Variants in ZFAND3 observed in about 807,000 individuals in gnomAD.
The protein encoded by ZFAND3 is AN1-type zinc finger protein 3.
Under a neutral mutation model 29.6 loss-of-function variants are expected in ZFAND3, and 10 were observed. The observed-to-expected ratio is 0.34, with a 90% CI of 0.21 to 0.57. The LOEUF is 0.57. ZFAND3 is among the 20% of genes least tolerant of loss of function. The pLI is 0.86. For synonymous variants in ZFAND3, 128 were observed against 112.6 expected (o/e 1.14, Z -0.87); for missense variants, 230 against 304.5 (o/e 0.76, Z 1.82).
At chr6:37,988,654 C>T (rs2127434893) in intron 2 of ZFAND3, among the ~76,000 whole-genome samples, 1 of 152,314 alleles carries the variant, frequency 6.6e-6, no homozygotes, top group Non-Finnish European at 1.5e-5. Flanking sequence ...TGAGTTAAAA[C>T]AAATATCTTA....
At chr6:38,120,320 C>CTTTTTTTTTTTTTTTTGTTTTTTT (rs1765506883) in intron 5 of ZFAND3, among the ~76,000 whole-genome samples, 1 of 60,694 alleles carries the variant, frequency 1.6e-5, no homozygotes, top group Non-Finnish European at 3.1e-5. Flanking sequence ...GCTTGGCTTC[C>CTTTTTTTTTTTTTTTTGTTTTTTT]TTTTTTTTTT....
intron 5 of ZFAND3, among the ~76,000 whole-genome samples, chr6:38,148,358 C>T (rs1336547590): frequency 6.6e-6 from 1 of 152,110 alleles, no homozygotes; most frequent in Non-Finnish European, 1.5e-5. Flanking sequence ...GGTAATAATA[C>T]CAGAGCTGCT....
intron 1 of ZFAND3, among the ~76,000 whole-genome samples, chr6:37,925,246 C>A (rs1037002131): frequency 6.6e-5 from 10 of 151,896 alleles, no homozygotes; most frequent in African/African-American, 2.4e-4. Flanking sequence ...AACGAGAAGA[C>A]CAATAAAAAG....
intron 1 of ZFAND3, among the ~76,000 whole-genome samples, chr6:37,879,429 A>G (rs1257141354): frequency 2.6e-5 from 4 of 151,946 alleles, no homozygotes. Context: ...GCATGGAACC[A>G]TCTTTATTAT....
intron 5 of ZFAND3, among the ~76,000 whole-genome samples, chr6:38,128,857 C>T (rs1562010071): frequency 6.6e-6 from 1 of 152,154 alleles, no homozygotes; most frequent in East Asian, 1.9e-4. Flanking sequence ...TGGGTAGATA[C>T]CCAGTAGTGG....
intron 2 of ZFAND3, among the ~76,000 whole-genome samples, chr6:37,971,450 G>C (rs1762385553): frequency 6.6e-6 from 1 of 152,132 alleles, no homozygotes; most frequent in Non-Finnish European, 1.5e-5. Context: ...TTGATGGCTG[G>C]CTGAAGTTTT....
intron 5 of ZFAND3, among the ~76,000 whole-genome samples, chr6:38,137,428 A>G (rs139031141): frequency 7.5e-4 from 114 of 152,326 alleles, no homozygotes; most frequent in African/African-American, 2.5e-3. Flanking sequence ...CTGTTTTTCT[A>G]TCTTGTTGCT....
chr6:38,146,712 T>C (rs1441629798), intron 5 of ZFAND3, among the ~76,000 whole-genome samples: 1 of 152,212 alleles, frequency 6.6e-6, no homozygotes, highest in Non-Finnish European at 1.5e-5. Flanking sequence ...TCAGCCACTT[T>C]GCCATGACTC....
At chr6:38,011,463 A>T (rs1238886726) in intron 2 of ZFAND3, among the ~76,000 whole-genome samples, 1 of 152,120 alleles carries the variant, frequency 6.6e-6, no homozygotes, top group Non-Finnish European at 1.5e-5. Context: ...ATCCTTGCCA[A>T]CACCTGGTGT....
At chr6:38,036,022 C>T (rs931019343) in intron 2 of ZFAND3, among the ~76,000 whole-genome samples, 7 of 152,322 alleles carry the variant, frequency 4.6e-5, no homozygotes, top group South Asian at 2.1e-4. Flanking sequence ...TGGAAAGTCT[C>T]CTCCAGGAGA....
intron 2 of ZFAND3, among the ~76,000 whole-genome samples, chr6:37,968,856 C>T (rs536457586): frequency 7.9e-5 from 12 of 152,106 alleles, no homozygotes; most frequent in African/African-American, 1.9e-4. Context: ...TTGAAACACC[C>T]GAGTGTGTCC....
chr6:37,834,540 G>T (rs1438075523), intron 1 of ZFAND3, among the ~76,000 whole-genome samples: 2 of 152,130 alleles, frequency 1.3e-5, no homozygotes, highest in Non-Finnish European at 2.9e-5. Context: ...TGGATCATAT[G>T]ATAAGAGTAT....
Position 37,865,384 on chromosome 6 carries a change from T to A in ZFAND3, c.71+45368T>A, listed in dbSNP as rs190509215. On this transcript the variant is annotated intron_variant, in intron 1 of 5. Coordinates refer to ENST00000287218, the MANE Select transcript of ZFAND3 (RefSeq NM_021943.3). ...CAGGTGCAATTTCTTTTTCCGAATA[T>A]TTTCAATCTACAGTTGGTTGAATCC... Among the ~76,000 whole-genome samples the A allele has an allele frequency of 1.2e-4, 19 of 152,290 alleles. No individual in the cohort carries two copies. The East Asian group carries it at 3.5e-3, about 28-fold the overall frequency.
At chr6:38,114,462 G>A (rs1485325804) in intron 4 of ZFAND3, among the ~76,000 whole-genome samples, 1 of 152,256 alleles carries the variant, frequency 6.6e-6, no homozygotes, top group African/African-American at 2.4e-5. Context: ...CTGGGAAATA[G>A]GCTGAACTTG....
At chr6:38,033,353 C>T (rs77640181) in intron 2 of ZFAND3, among the ~76,000 whole-genome samples, 9,968 of 152,108 alleles carry the variant, frequency 0.066, 452 homozygotes, top group Middle Eastern at 0.1. Flanking sequence ...GAAATTTTGC[C>T]TTTCTCTGTG....
chr6:37,989,945 G>A (rs149818289), intron 2 of ZFAND3, among the ~76,000 whole-genome samples: 7 of 152,286 alleles, frequency 4.6e-5, no homozygotes, highest in Admixed American at 2.0e-4. Flanking sequence ...CAGTTTTCTC[G>A]AAGAGTTTCA....
intron 1 of ZFAND3, among the ~76,000 whole-genome samples, chr6:37,854,964 G>GTT (rs34283914): frequency 0.044 from 3,463 of 78,428 alleles, 105 homozygotes; most frequent in Non-Finnish European, 0.063. Flanking sequence ...AATAATAGGT[G>GTT]TTTTTTTTTT....
At chr6:38,086,590 C>G (rs911941597) in intron 4 of ZFAND3, among the ~76,000 whole-genome samples, 1 of 152,218 alleles carries the variant, frequency 6.6e-6, no homozygotes, top group Non-Finnish European at 1.5e-5. Context: ...AAAGAGATCA[C>G]TTTCCTTGGC....
At chr6:38,066,503 T>C (rs1397388300) in intron 3 of ZFAND3, among the ~76,000 whole-genome samples, 1 of 152,236 alleles carries the variant, frequency 6.6e-6, no homozygotes, top group Non-Finnish European at 1.5e-5. Context: ...GGAAAATGAA[T>C]TTGGGATGCC....
Sources: gnomAD v4.1 joint callset for allele counts (sites outside exome capture counted in the v4.1 genomes callset) on GRCh38, gnomAD v4.1.1 for gene constraint, MANE v1.5 for transcripts, NCBI Gene and HGNC (gene_info 2026-07-23, HGNC 2026-07-21) for gene names.